TOP3A: variants seen among roughly 807,000 people sequenced by gnomAD.
The protein encoded by TOP3A is DNA topoisomerase 3-alpha.
Under a neutral mutation model 111.3 loss-of-function variants are expected in TOP3A, and 64 were observed. The ratio of observed to expected loss-of-function variants is 0.57; its 90% CI spans 0.47 to 0.71. The LOEUF (loss-of-function observed/expected upper bound fraction) is 0.71, where lower values mean the gene tolerates loss of function less well. Among genes scored for constraint, TOP3A ranks in the 30% least tolerant of loss-of-function variants. TOP3A has a pLI of 0.00. For synonymous variants in TOP3A, 484 were observed against 485.1 expected, an observed-to-expected ratio of 1.00 and a Z score of 0.03; for missense variants, 1,104 against 1,285.0, an observed-to-expected ratio of 0.86 and a Z score of 2.15.
rs1483922287 is a variant in TOP3A at position 18,282,730 on chromosome 17, C to T, written c.1989G>A (p.Lys663=). The change falls in exon 16 of 19, where the codon AAG becomes AAA. Residue 663 remains lysine (K), a synonymous_variant. Coordinates refer to ENST00000321105, the MANE Select transcript of TOP3A (RefSeq NM_004618.5). ...TCTTCTTGGTCTTAAGGACCATGTC[C>T]TTGTTGCACTGTGGGCACTTCCTGA... ...EPIRKCPQCN[K]DMVLKTKKNG... is the part of the protein sequence containing the mutation. 2 of 1,613,880 alleles carry T rather than the reference C, an allele frequency of 1.2e-6. No individual in the cohort carries two copies. The highest frequency in any genetic ancestry group is 1.3e-5 in the African/African-American group (1 of 74,938).
At chr17:18,299,519 G>T in intron 9 of TOP3A, 40 bp downstream of exon 9, 1 of 1,582,042 alleles carries the variant, frequency 6.3e-7, no homozygotes, top group Non-Finnish European at 8.7e-7. Context: ...AAAACAGTAA[G>T]TGTTCCCCGA....
chr17:18,277,577 A>G (rs1979455778), intron 18 of TOP3A, 98 bp downstream of exon 18: 25 of 1,428,040 alleles, frequency 1.8e-5, no homozygotes, highest in Non-Finnish European at 2.0e-5. Flanking sequence ...TCCCAATCCC[A>G]CCATGACCCT....
At chr17:18,313,693 A>G (rs1383065361) in intron 1 of TOP3A, among the ~76,000 whole-genome samples, 1 of 152,136 alleles carries the variant, frequency 6.6e-6, no homozygotes, top group Non-Finnish European at 1.5e-5. Flanking sequence ...AAGTAGACAA[A>G]CCTTGGGGCT....
At chr17:18,307,021 A>C (rs371146247) in intron 3 of TOP3A, 55 bp from the exon 4 acceptor site, 1 of 1,310,408 alleles carries the variant, frequency 7.6e-7, no homozygotes, top group Non-Finnish European at 1.1e-6. Flanking sequence ...AGAGCCCTCC[A>C]ATCTAATGAC....
intron 13 of TOP3A, among the ~76,000 whole-genome samples, chr17:18,287,480 C>T (rs1980174933): frequency 1.3e-5 from 2 of 151,172 alleles, no homozygotes; most frequent in South Asian, 2.1e-4. Context: ...GAGCTGAAAT[C>T]GTGCCACTAC....
At position 18,277,994 on chromosome 17, in the gene TOP3A, A is replaced by G. The variant is rs1167971278; in HGVS notation, c.2508T>C (p.Phe836=). The G allele has an allele frequency of 6.2e-7, 1 of 1,614,114 alleles. No individual in the cohort carries two copies. Residue 836 remains phenylalanine (F), a synonymous_variant, in exon 18 of 19, where the codon TTT becomes TTC. Transcript: ENST00000321105. ...KEGPNRGRQF[F]KCNGGSCNFF... ...AGTTGCAGCTACCTCCGTTGCACTT[A>G]AAGAACTGCCGGCCCCGGTTGGGGC...
chr17:18,285,836 A>G (rs1217979537), intron 13 of TOP3A, among the ~76,000 whole-genome samples: 1 of 152,048 alleles, frequency 6.6e-6, no homozygotes, highest in Non-Finnish European at 1.5e-5. Flanking sequence ...CTCTACCCTA[A>G]CCATTCTTTA....
At chr17:18,283,157 G>A (rs1979872682) in intron 15 of TOP3A, among the ~76,000 whole-genome samples, 1 of 152,180 alleles carries the variant, frequency 6.6e-6, no homozygotes, top group Admixed American at 6.5e-5. Context: ...ATCACCTGAG[G>A]TTGTAATTTC....
chr17:18,314,564 T>C, intron 1 of TOP3A, 35 bp downstream of exon 1: 2 of 1,582,588 alleles, frequency 1.3e-6, no homozygotes, highest in East Asian at 2.3e-5. Context: ...GGGCCTCCCT[T>C]AAGGCACGCA....
rs1979514520 is a variant in TOP3A at position 18,278,129 on chromosome 17, G to A, written c.2373C>T (p.Ser791=). Residue 791 remains serine (S), a synonymous_variant, in exon 18 of 19, where the codon TCC becomes TCT. Transcript: ENST00000321105. The stretch of plus-strand genomic sequence containing the variant: ...GGAGGGTCTGGGCCAGAGCCTTTGA[G>A]GACCCAGTCTGTCTGCTGTCAGCAG... ...PQPADSRQTG[S]SKALAQTLPP... is the part of the protein sequence containing the mutation. 1 of 1,614,124 alleles carries A rather than the reference G, an allele frequency of 6.2e-7. No homozygotes were observed. Among genetic ancestry groups the A allele is most frequent in the Non-Finnish European group, 8.5e-7 (1 of 1,180,050 alleles).
chr17:18,304,918 G>A (rs1044125734), intron 5 of TOP3A, among the ~76,000 whole-genome samples, 194 bp downstream of exon 5: 3 of 152,100 alleles, frequency 2.0e-5, no homozygotes, highest in Non-Finnish European at 2.9e-5. Context: ...TTGGCCTGAT[G>A]TTAGAGACAA....
chr17:18,314,486 G>A, intron 1 of TOP3A, 113 bp downstream of exon 1: 1 of 1,256,670 alleles, frequency 8.0e-7, no homozygotes, highest in Non-Finnish European at 1.1e-6. Context: ...GGGGCAGTGA[G>A]GCCTGAGAAA....
chr17:18,314,670 G>A lies in TOP3A; in HGVS notation c.109C>T (p.Leu37Phe). Reference sequence around the variant, plus strand: ...GCGTCGTTTTTTTCGGCCACACAGAGGACTTTCCGCACGCCTCGGAGGGCC... The same window carrying A: ...GCGTCGTTTTTTTCGGCCACACAGAAGACTTTCCGCACGCCTCGGAGGGCC... ...EMALRGVRKV[L>F]CVAEKNDAAK... Residue 37 changes from leucine to phenylalanine, a missense_variant, in exon 1 of 19, where the codon CTC (leucine) becomes TTC (phenylalanine). By Grantham distance (22) the Leu-to-Phe change is conservative. Coordinates refer to ENST00000321105, the MANE Select transcript of TOP3A (RefSeq NM_004618.5). The A allele has an allele frequency of 6.2e-7, 1 of 1,613,534 alleles. No individual in the cohort carries two copies. Among genetic ancestry groups the A allele is most frequent in the African/African-American group, 1.3e-5 (1 of 75,028 alleles).
chr17:18,300,266 C>T (rs374689377), intron 8 of TOP3A, among the ~76,000 whole-genome samples: 58 of 152,018 alleles, frequency 3.8e-4, no homozygotes, highest in African/African-American at 1.3e-3. Flanking sequence ...TGGTGGTGCA[C>T]GCCTGTAGTT....
At chr17:18,297,691 C>T (rs1980914897) in intron 9 of TOP3A, among the ~76,000 whole-genome samples, 1 of 152,084 alleles carries the variant, frequency 6.6e-6, no homozygotes, top group South Asian at 2.1e-4. Flanking sequence ...TCCTGAGGTG[C>T]CGGGATTGCA....
rs75757926 is a variant in TOP3A at position 18,304,279 on chromosome 17, T to C, written c.499+833A>G. Reference sequence around the variant, plus strand: ...CGTGCCTGGCTGCCTTTTGCAACTTTAATCTTACTTGCTCTCTCAGGCCTT... The same window carrying C: ...CGTGCCTGGCTGCCTTTTGCAACTTCAATCTTACTTGCTCTCTCAGGCCTT... On this transcript the variant is annotated intron_variant, in intron 5 of 18. Coordinates refer to ENST00000321105, the MANE Select transcript of TOP3A (RefSeq NM_004618.5). 1.4e-4 allele frequency among the ~76,000 whole-genome samples: 21 copies of C among 152,346 alleles called. 1 individual carries two copies. The East Asian group carries it at 4.0e-3, about 29-fold the overall frequency.
intron 4 of TOP3A, among the ~76,000 whole-genome samples, chr17:18,305,475 A>AAC (rs1555572046): frequency 0.22 from 31,660 of 146,694 alleles, 3,565 homozygotes; most frequent in East Asian, 0.31. Flanking sequence ...ATTCAGCTCT[A>AAC]ACACACACAC....
At chr17:18,296,294 C>T (rs1340980897) in intron 9 of TOP3A, among the ~76,000 whole-genome samples, 2 of 151,992 alleles carry the variant, frequency 1.3e-5, no homozygotes, top group Non-Finnish European at 2.9e-5. Context: ...TATATAAAAT[C>T]AATGCAGCTG....
intron 9 of TOP3A, among the ~76,000 whole-genome samples, chr17:18,295,311 C>T (rs1980726810): frequency 6.6e-6 from 1 of 152,088 alleles, no homozygotes; most frequent in Admixed American, 6.5e-5. Flanking sequence ...CCATGCTTGG[C>T]AAATTTTTGT....
Sources: allele counts gnomAD v4.1 joint callset (sites outside exome capture counted in the v4.1 genomes callset), GRCh38; gene constraint gnomAD v4.1.1; transcripts MANE v1.5; gene names NCBI Gene and HGNC (gene_info 2026-07-23, HGNC 2026-07-21).